The following RAP1GAP2 variants were observed in gnomAD, a reference collection of about 807,000 sequenced individuals.
RAP1GAP2 encodes the protein rap1 GTPase-activating protein 2.
A neutral mutation model predicts 95.0 loss-of-function variants in RAP1GAP2; 27 were observed. The ratio of observed to expected loss-of-function variants is 0.28; its 90% CI spans 0.21 to 0.39. The LOEUF is 0.39. RAP1GAP2 is among the 10% of genes least tolerant of loss of function. RAP1GAP2 has a pLI of 1.00. For synonymous variants in RAP1GAP2, 373 were observed against 380.9 expected (o/e 0.98, Z 0.24); for missense variants, 771 against 970.0 (o/e 0.79, Z 2.72).
chr17:3,033,036 G>T lies in RAP1GAP2; in HGVS notation c.*31-356G>T, dbSNP rs1388474623. ...GAGCTCCCAGCCCTCTCCCCACATG[G>T]GGCTTCAGGGGTCAGAGTCACAGCT... is the stretch of plus-strand genomic sequence containing the variant. On this transcript the variant is annotated intron_variant, in intron 24 of 24. Coordinates refer to ENST00000254695, the MANE Select transcript of RAP1GAP2 (RefSeq NM_015085.5). This position sits in a 1 kb window ranked among gnomAD's most constrained non-coding sequence, Gnocchi z 4.9. 5 of 155,578 alleles carry T rather than the reference G, an allele frequency of 3.2e-5. No individual in the cohort carries two copies. The highest frequency in any genetic ancestry group is 3.1e-4 in the Admixed American group (5 of 16,078). The allele number at this position is 155,578 out of a possible 1,614,324, so 9.6% of individuals were successfully genotyped here.
intron 8 of RAP1GAP2, among the ~76,000 whole-genome samples, chr17:2,977,841 G>A (rs1005568278): frequency 5.3e-5 from 8 of 150,304 alleles, no homozygotes; most frequent in African/African-American, 1.7e-4. Context: ...GGCAAGGGAA[G>A]CACAAGAAAA....
chr17:2,986,072 G>T (rs764342585), intron 11 of RAP1GAP2, among the ~76,000 whole-genome samples: 2 of 152,076 alleles, frequency 1.3e-5, no homozygotes, highest in South Asian at 2.1e-4. Context: ...GTTAATGAAC[G>T]AATAAAAATG....
chr17:2,963,942 C>G lies in RAP1GAP2; in HGVS notation c.366C>G (p.Thr122=), dbSNP rs767022970. 7 of 1,613,208 alleles carry G rather than the reference C, an allele frequency of 4.3e-6. No homozygotes were observed. In the South Asian group the frequency reaches 7.7e-5, roughly 18 times the overall value. The stretch of plus-strand genomic sequence containing the variant: ...TCGAGGACCCGGAGAACGTGGGCAC[C>G]CCAACATCGCTGGGGAGCAGCATCT... ...YWIEDPENVG[T]PTSLGSSICE... Residue 122 remains threonine (T), a synonymous_variant, in exon 7 of 25, where the codon ACC becomes ACG. Coordinates refer to ENST00000254695, the MANE Select transcript of RAP1GAP2 (RefSeq NM_015085.5). The surrounding 1 kb of genome is among the most constrained non-coding windows in gnomAD (Gnocchi z 4.8).
chr17:2,884,966 T>C (rs1028283097), intron 2 of RAP1GAP2, among the ~76,000 whole-genome samples: 1 of 151,894 alleles, frequency 6.6e-6, no homozygotes, highest in Admixed American at 6.6e-5. Context: ...GTCAAGACAG[T>C]CCCTGTCCTC....
At chr17:2,790,838 T>C (rs2068905016) in intron 1 of RAP1GAP2, among the ~76,000 whole-genome samples, 1 of 152,230 alleles carries the variant, frequency 6.6e-6, no homozygotes, top group Non-Finnish European at 1.5e-5. Context: ...GGGCTGCTGC[T>C]GACAGGAGCC....
intron 2 of RAP1GAP2, among the ~76,000 whole-genome samples, chr17:2,844,113 T>G (rs992400513): frequency 3.3e-5 from 5 of 152,132 alleles, no homozygotes; most frequent in African/African-American, 1.2e-4. Context: ...CTCTGCCTCC[T>G]GGGTTCACGC....
rs760668028 is a variant in RAP1GAP2 at position 2,980,264 on chromosome 17, CT to C, written c.597-17del. The C allele has an allele frequency of 4.3e-6, 7 of 1,612,398 alleles. No individual in the cohort carries two copies. In the Admixed American group the frequency reaches 1.2e-4, roughly 27 times the overall value. ...TCACTGACTGTTTCTTAGGGATGTC[CT>C]TTTTTCTCCCGTCTTGTGCAGGTCC... is the stretch of plus-strand genomic sequence containing the variant. On this transcript the variant is annotated intron_variant, in intron 8 of 24. Coordinates refer to ENST00000254695, the MANE Select transcript of RAP1GAP2 (RefSeq NM_015085.5).
chr17:2,875,274 C>T (rs1377832532), intron 2 of RAP1GAP2, among the ~76,000 whole-genome samples: 1 of 152,098 alleles, frequency 6.6e-6, no homozygotes, highest in Admixed American at 6.6e-5. Context: ...GCCATGTTGG[C>T]CAGGCTGGTC....
Position 2,965,928 on chromosome 17 carries a change from G to C in RAP1GAP2, c.596+285G>C, listed in dbSNP as rs369039955. ...CTCTTTCTTACAAGTCCATGGCTCT[G>C]AGGAAGACGGGAAGAAAAGTAGGGA... On this transcript the variant is annotated intron_variant, in intron 8 of 24. Transcript: ENST00000254695. The surrounding 1 kb of genome is among the most constrained non-coding windows in gnomAD (Gnocchi z 4.7). The C allele has an allele frequency of 7.1e-6, 3 of 423,616 alleles. No homozygotes were observed. The South Asian group carries it at 9.6e-5, about 14-fold the overall frequency. The allele number at this position is 423,616 out of a possible 1,614,324, so 26.2% of individuals were successfully genotyped here. A position where few individuals can be genotyped will look rare whatever the true frequency, so the allele number is the denominator to read the frequency against.
At chr17:2,932,685 G>A (rs941232566) in intron 3 of RAP1GAP2, among the ~76,000 whole-genome samples, 1 of 150,398 alleles carries the variant, frequency 6.6e-6, no homozygotes, top group Non-Finnish European at 1.5e-5. Flanking sequence ...GAGTGGTGGC[G>A]GGCGCCTGTA....
At chr17:2,907,091 AT>A (rs1231887262) in intron 3 of RAP1GAP2, among the ~76,000 whole-genome samples, 2 of 115,966 alleles carry the variant, frequency 1.7e-5, no homozygotes. Flanking sequence ...AAAGAAAAGT[AT>A]TTTTTTCCCC....
upstream of RAP1GAP2, among the ~76,000 whole-genome samples, chr17:2,795,696 G>A (rs2069056355): frequency 6.6e-6 from 1 of 152,156 alleles, no homozygotes; most frequent in African/African-American, 2.4e-5. Context: ...GAGTGCCTGC[G>A]GGCACATGTG....
At position 3,027,083 on chromosome 17, in the gene RAP1GAP2, T is replaced by C; in HGVS notation, c.2107+13T>C. 1 of 1,568,186 alleles carries C rather than the reference T, an allele frequency of 6.4e-7. No individual in the cohort carries two copies. Among genetic ancestry groups the C allele is most frequent in the Non-Finnish European group, 8.6e-7 (1 of 1,156,174 alleles). On this transcript the variant is annotated intron_variant, in intron 22 of 24. Coordinates refer to ENST00000254695, the MANE Select transcript of RAP1GAP2 (RefSeq NM_015085.5). This position sits in a 1 kb window ranked among gnomAD's most constrained non-coding sequence, Gnocchi z 5.2. ...CGGAGTCCCACAGGTCAGTGGCATC[T>C]GGTGGTGTGTGTGACGTCACCAGGA...
intron 2 of RAP1GAP2, among the ~76,000 whole-genome samples, chr17:2,874,940 GAGAA>G (rs1296769987): frequency 2.0e-5 from 3 of 152,180 alleles, no homozygotes; most frequent in African/African-American, 4.8e-5. Context: ...TGTCGACCTA[GAGAA>G]AGAAACAGAG....
chr17:3,032,451 T>C lies in RAP1GAP2; in HGVS notation c.*30+2T>C, dbSNP rs1354640042. 2 of 1,613,190 alleles carry C rather than the reference T, an allele frequency of 1.2e-6. No homozygotes were observed. Among genetic ancestry groups the C allele is most frequent in the African/African-American group, 2.7e-5 (2 of 74,834 alleles). ...AGTGGAGTCCTTCGCCTGTCCAAGG[T>C]GGGTTGAGTGAATGTCCTGCTGTGG... is the stretch of plus-strand genomic sequence containing the variant. On this transcript the variant is annotated splice_donor_variant, in intron 24 of 24. Transcript: ENST00000254695. LOFTEE classifies it low-confidence loss of function (3UTR_SPLICE).
intron 17 of RAP1GAP2, among the ~76,000 whole-genome samples, chr17:3,017,492 A>G (rs1012800318): frequency 6.6e-6 from 1 of 152,182 alleles, no homozygotes; most frequent in East Asian, 1.9e-4. Context: ...ACTTGCACCC[A>G]TGGCCAGCAT....
intron 2 of RAP1GAP2, among the ~76,000 whole-genome samples, chr17:2,885,167 G>T (rs1302701853): frequency 6.6e-6 from 1 of 151,006 alleles, no homozygotes; most frequent in African/African-American, 2.4e-5. Flanking sequence ...CCCAGTAGTT[G>T]GATTACAGGC....
Position 2,912,863 on chromosome 17 carries a change from C to T in RAP1GAP2, c.165+7495C>T, listed in dbSNP as rs565087585. Among the ~76,000 whole-genome samples the T allele has an allele frequency of 4.6e-5, 7 of 152,244 alleles. No homozygotes were observed. The South Asian group carries it at 1.2e-3, about 27-fold the overall frequency. On this transcript the variant is annotated intron_variant, in intron 3 of 24. Transcript: ENST00000254695. ...TATTTGGCTACTGAGGGTGAGGATG[C>T]TAACTAGGAGGCTTTAAGAACATGG...
intron 2 of RAP1GAP2, among the ~76,000 whole-genome samples, chr17:2,816,005 A>G (rs2070003056): frequency 6.6e-6 from 1 of 151,936 alleles, no homozygotes; most frequent in African/African-American, 2.4e-5. Context: ...CAAGGCCCAG[A>G]CAAGCGGGTT....
Sources: gnomAD v4.1 joint callset for allele counts (sites outside exome capture counted in the v4.1 genomes callset) on GRCh38, gnomAD v4.1.1 for gene constraint, Gnocchi (gnomAD v3.1) non-coding constraint, MANE v1.5 for transcripts, NCBI Gene and HGNC (gene_info 2026-07-23, HGNC 2026-07-21) for gene names.